Variants in DNAH5 observed in about 807,000 individuals in gnomAD.
DNAH5 encodes the protein dynein axonemal heavy chain 5.
DNAH5 carries 372 observed loss-of-function variants against 518.2 expected under a neutral mutation model. The observed-to-expected ratio is 0.72, with a 90% CI of 0.66 to 0.78. The LOEUF is 0.78. Among genes scored for constraint, DNAH5 ranks in the 30% least tolerant of loss-of-function variants. DNAH5 has a pLI of 0.00. For synonymous variants in DNAH5, 2,039 were observed against 2,025.9 expected (o/e 1.01, Z -0.17); for missense variants, 5,523 against 5,687.0 (o/e 0.97, Z 0.93).
At chr5:13,844,051 T>A (rs953065637) in intron 32 of DNAH5, among the ~76,000 whole-genome samples, 1 of 152,154 alleles carries the variant, frequency 6.6e-6, no homozygotes, top group African/African-American at 2.4e-5. Flanking sequence ...TTTAATTGCT[T>A]CGAATGGAAT....
chr5:13,812,669 CTAATT>C (rs1332171893), intron 43 of DNAH5, among the ~76,000 whole-genome samples: 3 of 152,010 alleles, frequency 2.0e-5, no homozygotes, highest in Non-Finnish European at 2.9e-5. Context: ...TTTATTTCTT[CTAATT>C]TAATTAATAA....
chr5:13,755,145 G>T (rs531642688), intron 61 of DNAH5, among the ~76,000 whole-genome samples: 2 of 151,944 alleles, frequency 1.3e-5, no homozygotes, highest in East Asian at 1.9e-4. Context: ...AAAACAAATG[G>T]CTCTGTTTCT....
intron 1 of DNAH5, among the ~76,000 whole-genome samples, chr5:13,962,742 G>A (rs990764897): frequency 3.9e-5 from 6 of 152,138 alleles, no homozygotes; most frequent in Middle Eastern, 3.2e-3. Context: ...CCCTAAACTG[G>A]CTTAGCAAGA....
chr5:13,893,278 C>T (rs1054037061), intron 16 of DNAH5, among the ~76,000 whole-genome samples: 1 of 151,896 alleles, frequency 6.6e-6, no homozygotes, highest in Non-Finnish European at 1.5e-5. Flanking sequence ...TAAAAGGAGG[C>T]ATCACGAGAG....
At chr5:13,929,131 C>G (rs1170418764) in intron 2 of DNAH5, among the ~76,000 whole-genome samples, 3 of 152,116 alleles carry the variant, frequency 2.0e-5, no homozygotes, top group Non-Finnish European at 4.4e-5. Context: ...TATACATATA[C>G]AAGGGAATAT....
At chr5:13,825,044 A>G (rs1762716403) in intron 38 of DNAH5, among the ~76,000 whole-genome samples, 1 of 152,212 alleles carries the variant, frequency 6.6e-6, no homozygotes, top group Non-Finnish European at 1.5e-5. Flanking sequence ...ATATAGCCAA[A>G]AGAATTGAAA....
At chr5:13,913,057 C>T (rs371131232) in intron 11 of DNAH5, among the ~76,000 whole-genome samples, 3 of 151,866 alleles carry the variant, frequency 2.0e-5, no homozygotes, top group South Asian at 2.1e-4. Flanking sequence ...TTATATGATC[C>T]TTTTCAAATT....
chr5:13,721,010 G>A lies in DNAH5; in HGVS notation c.12269C>T (p.Thr4090Ile). ...ACTATTCAGCCTTACGTTCGCCATG[G>A]TCTGCTGCAAGAGCTTCCGAGCATG... The part of the protein sequence containing the change: ...EVHARKLLQQ[T>I]MANGGWALLQ... The change falls in exon 71 of 79, where the codon ACC (threonine) becomes ATC (isoleucine). Residue 4090 changes from threonine (T) to isoleucine (I), a missense_variant. Physicochemically the swap from Thr to Ile is moderately conservative, Grantham distance 89. Transcript: ENST00000265104. 16 of 1,614,104 alleles carry A rather than the reference G, an allele frequency of 9.9e-6. No homozygotes were observed. The highest frequency in any genetic ancestry group is 1.3e-5 in the Non-Finnish European group (15 of 1,179,984).
chr5:13,878,780 A>T (rs1304219382), intron 21 of DNAH5, among the ~76,000 whole-genome samples: 1 of 152,226 alleles, frequency 6.6e-6, no homozygotes, highest in East Asian at 1.9e-4. Context: ...CGCCAGAATC[A>T]GAGGATGCAG....
Position 13,830,068 on chromosome 5 carries a change from A to T in DNAH5, c.6207T>A (p.Asp2069Glu). The T allele has an allele frequency of 1.2e-6, 2 of 1,614,106 alleles. No individual in the cohort carries two copies. Among genetic ancestry groups the T allele is most frequent in the Non-Finnish European group, 1.7e-6 (2 of 1,179,994 alleles). ...CAAATTCAGGGTTCATAGTCACATT[A>T]TCTCCATCAGTAAAGATAAAAGACT... is the stretch of plus-strand genomic sequence containing the variant. ...HKKSFIFTDG[D>E]NVTMNPEFGL... The change falls in exon 37 of 79, where the codon GAT (aspartate) becomes GAA (glutamate). Residue 2069 changes from aspartate to glutamate, a missense_variant. Around this residue, in one of 3 missense-constraint regions of DNAH5, gnomAD observed 5,121 missense variants for 5,223.3 expected, o/e 0.98. Coordinates refer to ENST00000265104, the MANE Select transcript of DNAH5 (RefSeq NM_001369.3).
intron 68 of DNAH5, among the ~76,000 whole-genome samples, chr5:13,733,790 G>A (rs1381448162): frequency 6.6e-6 from 1 of 151,966 alleles, no homozygotes; most frequent in East Asian, 1.9e-4. Context: ...CCCCACCAGG[G>A]CACAGCATGT....
At chr5:13,933,151 C>G (rs985990430) in intron 1 of DNAH5, among the ~76,000 whole-genome samples, 2 of 152,156 alleles carry the variant, frequency 1.3e-5, no homozygotes, top group African/African-American at 4.8e-5. Flanking sequence ...TGATATGATA[C>G]AGACATATAT....
At position 13,795,343 on chromosome 5, in the gene DNAH5, T is replaced by C. The variant is rs192427739; in HGVS notation, c.7888-1285A>G. Among the ~76,000 whole-genome samples, 1,092 of 151,392 alleles carry C rather than the reference T, an allele frequency of 7.2e-3. 14 individuals are homozygous for C. Among genetic ancestry groups the C allele is most frequent in the African/African-American group, 0.025 (1,047 of 41,256 alleles). ...AGAAAAGAGAGAAAAATCAAATAGA[T>C]GCAATAAAAAATGATAAAGGGGATA... On this transcript the variant is annotated intron_variant, in intron 47 of 78. Transcript: ENST00000265104.
At chr5:13,880,950 C>A (rs1298326593) in intron 21 of DNAH5, among the ~76,000 whole-genome samples, 1 of 151,758 alleles carries the variant, frequency 6.6e-6, no homozygotes, top group Non-Finnish European at 1.5e-5. Context: ...ACTCATTCCA[C>A]CTTAAAGTTC....
At chr5:13,950,846 T>C (rs1057198599) in intron 1 of DNAH5, among the ~76,000 whole-genome samples, 6 of 152,024 alleles carry the variant, frequency 3.9e-5, no homozygotes, top group Non-Finnish European at 4.4e-5. Flanking sequence ...TTATGGCATA[T>C]AGAACCAAGA....
In DNAH5 at chr5:13,807,632, T is replaced by G. The variant is rs1759834785; in HGVS notation, c.7846A>C (p.Ser2616Arg). Residue 2616 changes from serine to arginine, a missense_variant, in exon 47 of 79, where the codon AGT (serine) becomes CGT (arginine). Ser to Arg is a moderately radical substitution (Grantham distance 110). This residue lies in a region of DNAH5 where 5,121 missense variants were observed against 5,223.3 expected (regional missense o/e 0.98). Transcript: ENST00000265104. ...GTGGTTGCAGAAGAAAAATTCAGAC[T>G]CTTGATCATGTGACATTCAGGATCA... ...KYDPECHMIK[S>R]LNFSSATTPL... 1 of 1,613,400 alleles carries G rather than the reference T, an allele frequency of 6.2e-7. No individual in the cohort carries two copies. The highest frequency in any genetic ancestry group is 1.3e-5 in the African/African-American group (1 of 74,894).
rs192262838 is a variant in DNAH5, at chr5:13,769,544, G to A, written c.9677C>T (p.Ala3226Val). ...SVAALSKELE[A>V]KEKELQVAND... ...GGCCACTTGTAGCTCCTTTTCTTTCGCTTCCAGTTCTTTACTCAAGGCTGC... is the reference window on the plus strand; with the variant it reads ...GGCCACTTGTAGCTCCTTTTCTTTCACTTCCAGTTCTTTACTCAAGGCTGC... The change falls in exon 57 of 79, where the codon GCG (alanine) becomes GTG (valine). Residue 3226 changes from alanine to valine, a missense_variant. Physicochemically the swap from Ala to Val is moderately conservative, Grantham distance 64. This residue lies in a region of DNAH5 where 5,121 missense variants were observed against 5,223.3 expected (regional missense o/e 0.98). Transcript: ENST00000265104. 7.5e-5 allele frequency: 121 copies of A among 1,613,882 alleles called. No individual in the cohort carries two copies. In the East Asian group the frequency reaches 1.1e-3, roughly 14 times the overall value.
intron 1 of DNAH5, among the ~76,000 whole-genome samples, chr5:13,997,262 A>G (rs934518635): frequency 2.0e-5 from 3 of 152,198 alleles, no homozygotes; most frequent in Admixed American, 6.5e-5. Context: ...ATATTTTATT[A>G]TAAGAGTCAA....
chr5:13,809,816 G>A (rs1760300190), intron 45 of DNAH5, among the ~76,000 whole-genome samples: 9 of 152,150 alleles, frequency 5.9e-5, no homozygotes, highest in Admixed American at 5.9e-4. Context: ...TTTTTTAAAT[G>A]TTTCTTAATT....
Sources: gnomAD v4.1 joint callset for allele counts (sites outside exome capture counted in the v4.1 genomes callset) on GRCh38, gnomAD v4.1.1 for gene constraint, gnomAD v4.1.1 regional missense constraint, MANE v1.5 for transcripts, NCBI Gene and HGNC (gene_info 2026-07-23, HGNC 2026-07-21) for gene names.